COMMD10: variants seen among roughly 807,000 people sequenced by gnomAD.
COMMD10 encodes the protein COMM domain containing 10, also known as COMM domain-containing protein 10.
A neutral mutation model predicts 28.9 loss-of-function variants in COMMD10; 33 were observed. The observed-to-expected ratio is 1.14, with a 90% confidence interval of 0.87 to 1.53. The LOEUF is 1.53. Ranked by LOEUF, COMMD10 falls within the 40% of genes most tolerant of loss-of-function variation. The pLI is 0.00. For missense variants in COMMD10, 310 were observed against 233.4 expected, an observed-to-expected ratio of 1.33 and a Z score of -2.14; for synonymous variants, 110 against 81.7, an observed-to-expected ratio of 1.35 and a Z score of -1.87.
intron 5 of COMMD10, among the ~76,000 whole-genome samples, chr5:116,228,485 A>G (rs1314430292): frequency 1.3e-5 from 2 of 152,020 alleles, no homozygotes; most frequent in African/African-American, 4.8e-5. Context: ...TTTTATTTCA[A>G]TAACCAGAAT....
intron 5 of COMMD10, among the ~76,000 whole-genome samples, chr5:116,231,363 T>C (rs1227171571): frequency 6.6e-6 from 1 of 152,154 alleles, no homozygotes; most frequent in Non-Finnish European, 1.5e-5. Context: ...TATGCAATAC[T>C]AATGTTTAAT....
intron 5 of COMMD10, among the ~76,000 whole-genome samples, chr5:116,169,440 A>C (rs1010391265): frequency 6.6e-6 from 1 of 151,796 alleles, no homozygotes; most frequent in African/African-American, 2.4e-5. Flanking sequence ...TTTCCTTCGG[A>C]AACTATTCTG....
chr5:116,217,983 C>T (rs6872730), intron 5 of COMMD10: 621,843 of 882,988 alleles, frequency 0.7, 227,724 homozygotes, highest in South Asian at 0.78. Context: ...TCAAACTGTT[C>T]AGTCACCAGA....
intron 4 of COMMD10, among the ~76,000 whole-genome samples, chr5:116,107,933 C>G (rs928661206): frequency 1.3e-5 from 2 of 152,108 alleles, no homozygotes; most frequent in African/African-American, 4.8e-5. Flanking sequence ...TTCTAACTGT[C>G]AGGCCCTTCT....
At chr5:116,280,925 TTA>T (rs1751052274) in intron 5 of COMMD10, among the ~76,000 whole-genome samples, 2 of 151,890 alleles carry the variant, frequency 1.3e-5, no homozygotes, top group South Asian at 4.2e-4. Flanking sequence ...TCTCTGCCTT[TTA>T]TTTCTGTAAC....
At chr5:116,229,140 A>T (rs1240268467) in intron 5 of COMMD10, among the ~76,000 whole-genome samples, 2 of 151,968 alleles carry the variant, frequency 1.3e-5, no homozygotes, top group Admixed American at 1.3e-4. Context: ...ATTATTTTTT[A>T]TTATTTCCCT....
chr5:116,112,215 C>T (rs1751068129), intron 4 of COMMD10, among the ~76,000 whole-genome samples: 1 of 151,966 alleles, frequency 6.6e-6, no homozygotes, highest in South Asian at 2.1e-4. Flanking sequence ...CTGATAATGA[C>T]TTCATTATTT....
chr5:116,092,689 G>T lies in COMMD10; in HGVS notation c.388G>T (p.Ala130Ser). ...TGAAAAGTTCCGGCAGAGAATTCTG[G>T]CTCCCTGTAAGGTATAGAACATACT... ...TVEKFRQRIL[A>S]PCKLETVGWQ... The change falls in exon 4 of 7, where the codon GCT (alanine) becomes TCT (serine). Residue 130 changes from alanine (A) to serine (S), a missense_variant. Ala to Ser is a moderately conservative substitution (Grantham distance 99, BLOSUM62 1). Transcript: ENST00000274458. 1 of 1,605,092 alleles carries T rather than the reference G, an allele frequency of 6.2e-7. No individual in the cohort carries two copies. The highest frequency in any genetic ancestry group is 8.5e-7 in the Non-Finnish European group (1 of 1,175,516).
chr5:116,145,033 C>G (rs561596375), intron 5 of COMMD10, among the ~76,000 whole-genome samples: 1 of 151,868 alleles, frequency 6.6e-6, no homozygotes, highest in South Asian at 2.1e-4. Context: ...CACTTGTCTT[C>G]ATAGAGAAGA....
At chr5:116,104,266 T>C (rs1363558711) in intron 4 of COMMD10, among the ~76,000 whole-genome samples, 2 of 152,250 alleles carry the variant, frequency 1.3e-5, no homozygotes, top group Non-Finnish European at 2.9e-5. Flanking sequence ...ATATTGATTC[T>C]TCCTATCCAT....
At chr5:116,207,814 C>T (rs760951212) in intron 5 of COMMD10, among the ~76,000 whole-genome samples, 2 of 152,190 alleles carry the variant, frequency 1.3e-5, no homozygotes, top group South Asian at 2.1e-4. Context: ...CCACCATGCC[C>T]TGCCAAAAAT....
At chr5:116,086,498 G>A (rs912685434) in intron 1 of COMMD10, among the ~76,000 whole-genome samples, 5 of 151,570 alleles carry the variant, frequency 3.3e-5, no homozygotes, top group Non-Finnish European at 7.4e-5. Context: ...CCCTCTTGTT[G>A]CGCAGGCTGG....
intron 4 of COMMD10, among the ~76,000 whole-genome samples, chr5:116,116,108 C>T (rs919057620): frequency 2.0e-5 from 3 of 151,956 alleles, no homozygotes; most frequent in Non-Finnish European, 4.4e-5. Context: ...CTTACAGGTT[C>T]TTGAGAAATC....
intron 5 of COMMD10, among the ~76,000 whole-genome samples, chr5:116,183,069 G>A (rs1427344439): frequency 6.6e-6 from 1 of 152,040 alleles, no homozygotes; most frequent in African/African-American, 2.4e-5. Context: ...GCTTTTCTTT[G>A]CAAATTACCC....
chr5:116,164,215 G>T (rs1753017780), intron 5 of COMMD10, among the ~76,000 whole-genome samples: 1 of 152,114 alleles, frequency 6.6e-6, no homozygotes, highest in Non-Finnish European at 1.5e-5. Flanking sequence ...CAGCTACCCA[G>T]GAGGCTGAGG....
intron 5 of COMMD10, among the ~76,000 whole-genome samples, chr5:116,196,048 C>G (rs1283600446): frequency 6.6e-6 from 1 of 152,158 alleles, no homozygotes; most frequent in Non-Finnish European, 1.5e-5. Context: ...GAACTAAAAG[C>G]AGAACTACCA....
intron 4 of COMMD10, among the ~76,000 whole-genome samples, chr5:116,110,851 T>G (rs1337156410): frequency 6.6e-6 from 1 of 152,058 alleles, no homozygotes; most frequent in Non-Finnish European, 1.5e-5. Flanking sequence ...TCAAGAGAAT[T>G]CACTATTGTG....
At chr5:116,289,343 G>A (rs1359076560) in intron 5 of COMMD10, among the ~76,000 whole-genome samples, 3 of 151,810 alleles carry the variant, frequency 2.0e-5, no homozygotes, top group East Asian at 1.9e-4. Context: ...ATTTTTGCTG[G>A]GCATTTTGAA....
At chr5:116,230,497 A>C (rs770310928) in intron 5 of COMMD10, among the ~76,000 whole-genome samples, 1 of 152,056 alleles carries the variant, frequency 6.6e-6, no homozygotes, top group Non-Finnish European at 1.5e-5. Flanking sequence ...ATTTCTAATA[A>C]ATACCTGCTG....
Sources: allele counts gnomAD v4.1 joint callset (sites outside exome capture counted in the v4.1 genomes callset), GRCh38; gene constraint gnomAD v4.1.1; transcripts MANE v1.5; gene names NCBI Gene and HGNC (gene_info 2026-07-23, HGNC 2026-07-21).